The following CCDC3 variants were observed in gnomAD, a reference collection of about 807,000 sequenced individuals.
CCDC3 encodes coiled-coil domain containing 3.
A neutral mutation model predicts 21.4 loss-of-function variants in CCDC3; 24 were observed. That is an observed-to-expected ratio of 1.12 (90% confidence interval 0.81 to 1.58). The LOEUF (loss-of-function observed/expected upper bound fraction) is 1.58, where lower values mean the gene tolerates loss of function less well. Ranked by LOEUF, CCDC3 falls within the 40% of genes most tolerant of loss-of-function variation. CCDC3 has a pLI of 0.00. For synonymous variants in CCDC3, 186 were observed against 166.0 expected (o/e 1.12, Z -0.93); for missense variants, 425 against 360.9 (o/e 1.18, Z -1.44).
intron 2 of CCDC3, among the ~76,000 whole-genome samples, chr10:12,922,810 G>A (rs1364284142): frequency 2.6e-5 from 4 of 152,136 alleles, no homozygotes; most frequent in African/African-American, 9.7e-5. Flanking sequence ...TGCCCACTTA[G>A]ATGTTGCATC....
intron 2 of CCDC3, among the ~76,000 whole-genome samples, chr10:12,945,590 G>C (rs558869120): frequency 6.6e-6 from 1 of 152,260 alleles, no homozygotes; most frequent in South Asian, 2.1e-4. Context: ...TACAAAACTA[G>C]AATGTGGTCC....
intron 2 of CCDC3, among the ~76,000 whole-genome samples, chr10:12,973,146 C>T (rs1229446942): frequency 1.3e-5 from 2 of 152,144 alleles, no homozygotes; most frequent in African/African-American, 2.4e-5. Flanking sequence ...TAAATAAGCC[C>T]AAGGCTTATT....
chr10:13,051,503 G>T (rs1836607377), intron 4 of CCDC3, among the ~76,000 whole-genome samples: 1 of 152,210 alleles, frequency 6.6e-6, no homozygotes, highest in South Asian at 2.1e-4. Context: ...CACGTCAAGT[G>T]CAGGGCACCT....
At chr10:13,052,110 C>T (rs547489951) in intron 4 of CCDC3, among the ~76,000 whole-genome samples, 1 of 152,284 alleles carries the variant, frequency 6.6e-6, no homozygotes, top group African/African-American at 2.4e-5. Context: ...CATGGCGGCA[C>T]ACACCTGTGA....
chr10:12,986,080 C>T (rs566360942), intron 2 of CCDC3, among the ~76,000 whole-genome samples: 5 of 152,252 alleles, frequency 3.3e-5, no homozygotes, highest in South Asian at 2.1e-4. Flanking sequence ...GGATTACAGG[C>T]GTGAGCCACC....
At position 13,078,171 on chromosome 10, in the gene CCDC3, C is replaced by A. The variant is rs1836988729; in HGVS notation, c.-502-4071G>T. 2.6e-5 allele frequency among the ~76,000 whole-genome samples: 4 copies of A among 152,076 alleles called. No homozygotes were observed. In the South Asian group the frequency reaches 6.2e-4, roughly 24 times the overall value. Reference sequence around the variant, plus strand: ...CTTAAACAAATTTATAAGAAAAAAGCAAACAACCCCATCAAAAAGTGGGCA... The same window carrying A: ...CTTAAACAAATTTATAAGAAAAAAGAAAACAACCCCATCAAAAAGTGGGCA... On this transcript the variant is annotated intron_variant, in intron 3 of 6. Transcript: ENST00000378839.
intron 5 of CCDC3, among the ~76,000 whole-genome samples, chr10:13,039,457 A>C (rs756376331): frequency 3.9e-5 from 6 of 152,070 alleles, no homozygotes; most frequent in Non-Finnish European, 7.4e-5. Flanking sequence ...AATGGATTAC[A>C]ATTTAAATTA....
chr10:13,008,137 G>A (rs893895156), intron 5 of CCDC3, among the ~76,000 whole-genome samples: 3 of 152,180 alleles, frequency 2.0e-5, no homozygotes, highest in Non-Finnish European at 4.4e-5. Context: ...GACCATGTGG[G>A]AGGGCAGCAT....
intron 2 of CCDC3, among the ~76,000 whole-genome samples, chr10:12,992,997 T>C (rs923611742): frequency 6.6e-6 from 1 of 152,194 alleles, no homozygotes; most frequent in African/African-American, 2.4e-5. Context: ...ATCGATTCTG[T>C]TGAATGAAAA....
At chr10:12,920,133 C>T (rs1790753687) in intron 2 of CCDC3, among the ~76,000 whole-genome samples, 1 of 152,114 alleles carries the variant, frequency 6.6e-6, no homozygotes, top group Non-Finnish European at 1.5e-5. Flanking sequence ...AATGGACTCT[C>T]AGTTCCATGT....
chr10:12,985,902 G>C (rs1835582332), intron 2 of CCDC3, among the ~76,000 whole-genome samples: 1 of 152,172 alleles, frequency 6.6e-6, no homozygotes, highest in Non-Finnish European at 1.5e-5. Context: ...TTGGGACGGA[G>C]TTTTGCTCTG....
At chr10:12,970,887 C>CAAA (rs34307162) in intron 2 of CCDC3, among the ~76,000 whole-genome samples, 1 of 134,690 alleles carries the variant, frequency 7.4e-6, no homozygotes, top group Middle Eastern at 3.9e-3. Context: ...AAGACTGTCT[C>CAAA]AAAAAAAAAA....
chr10:12,933,084 T>G (rs1834675786), intron 2 of CCDC3, among the ~76,000 whole-genome samples: 1 of 152,254 alleles, frequency 6.6e-6, no homozygotes. Context: ...TGATTTTTTT[T>G]CATCTTGGTT....
chr10:12,973,644 C>A (rs1275462003), intron 2 of CCDC3, among the ~76,000 whole-genome samples: 2 of 152,210 alleles, frequency 1.3e-5, no homozygotes, highest in Non-Finnish European at 2.9e-5. Flanking sequence ...TCACTGTACT[C>A]GTTACCCAAC....
At chr10:13,029,625 A>G (rs1282648417) in intron 5 of CCDC3, among the ~76,000 whole-genome samples, 1 of 152,180 alleles carries the variant, frequency 6.6e-6, no homozygotes, top group Non-Finnish European at 1.5e-5. Context: ...ACTAGAACAA[A>G]CAGCATAGAG....
At chr10:12,983,091 G>A (rs1323616482) in intron 2 of CCDC3, among the ~76,000 whole-genome samples, 1 of 144,522 alleles carries the variant, frequency 6.9e-6, no homozygotes, top group Non-Finnish European at 1.5e-5. Context: ...CACCCTGGGT[G>A]ATGGCTGTCT....
intron 2 of CCDC3, among the ~76,000 whole-genome samples, chr10:12,949,349 A>G (rs1247565976): frequency 6.6e-6 from 1 of 152,166 alleles, no homozygotes; most frequent in Non-Finnish European, 1.5e-5. Flanking sequence ...TAAAGGGAAA[A>G]AGCATGTCCT....
In CCDC3 at chr10:12,977,167, C is replaced by G. The variant is rs559695180; in HGVS notation, c.549+21171G>C. On this transcript the variant is annotated intron_variant, in intron 2 of 2. Transcript: ENST00000378825. ...GCGAGTGCCTGTAACCCCAGCTACT[C>G]GAGAGGCTGAGGCAGGAGAATCGCT... 3.3e-4 allele frequency among the ~76,000 whole-genome samples: 50 copies of G among 152,130 alleles called. No homozygotes were observed. In the South Asian group the frequency reaches 0.01, roughly 32 times the overall value.
chr10:13,097,060 A>G (rs1832636151), intron 3 of CCDC3, among the ~76,000 whole-genome samples: 1 of 152,194 alleles, frequency 6.6e-6, no homozygotes, highest in African/African-American at 2.4e-5. Flanking sequence ...ACTCGTTGCT[A>G]ACTCCAAACA....
Sources: gnomAD v4.1 joint callset for allele counts (sites outside exome capture counted in the v4.1 genomes callset) on GRCh38, gnomAD v4.1.1 for gene constraint, MANE v1.5 for transcripts, NCBI Gene and HGNC (gene_info 2026-07-23, HGNC 2026-07-21) for gene names.